The following MAST4 variants were observed in gnomAD, a reference collection of about 807,000 sequenced individuals.
MAST4 encodes the protein microtubule associated serine/threonine kinase family member 4.
MAST4 carries 89 observed loss-of-function variants against 162.7 expected under a neutral mutation model. The observed-to-expected ratio is 0.55, with a 90% CI of 0.46 to 0.65. The LOEUF is 0.65. Among genes scored for constraint, MAST4 ranks in the 30% least tolerant of loss-of-function variants. The pLI, the probability that MAST4 is intolerant of heterozygous loss-of-function variation, is 0.00. For missense variants in MAST4, 3,153 were observed against 3,374.0 expected, an observed-to-expected ratio of 0.93 and a Z score of 1.62; for synonymous variants, 1,479 against 1,361.1, an observed-to-expected ratio of 1.09 and a Z score of -1.91.
At position 66,745,072 on chromosome 5, in the gene MAST4, T is replaced by C. The variant is rs181247998; in HGVS notation, c.364-14637T>C. On this transcript the variant is annotated intron_variant, in intron 1 of 28. Transcript: ENST00000403625. ...GATCCCAGGAGCTGTGTATTGATCA[T>C]TAATTGACCAAGATCCTGTGAGTAG... is the stretch of plus-strand genomic sequence containing the variant. Among the ~76,000 whole-genome samples the C allele has an allele frequency of 3.4e-4, 52 of 152,316 alleles. 1 individual carries two copies. The East Asian group carries it at 9.8e-3, about 29-fold the overall frequency.
At chr5:66,853,960 T>G (rs1000460823) in intron 3 of MAST4, among the ~76,000 whole-genome samples, 19 of 152,182 alleles carry the variant, frequency 1.2e-4, no homozygotes, top group Admixed American at 1.1e-3. Context: ...AATCATAGTT[T>G]AAAATAAGTT....
chr5:66,873,970 A>C (rs1393352612), intron 3 of MAST4, among the ~76,000 whole-genome samples: 3 of 152,214 alleles, frequency 2.0e-5, no homozygotes, highest in Non-Finnish European at 4.4e-5. Flanking sequence ...GCTCATTTTC[A>C]GCTCAAGGAG....
chr5:67,123,407 G>C (rs960260721), intron 14 of MAST4, among the ~76,000 whole-genome samples: 3 of 152,226 alleles, frequency 2.0e-5, no homozygotes, highest in African/African-American at 4.8e-5. Context: ...AGTTAAACGT[G>C]TCTTTTTGCC....
At chr5:66,612,818 T>C (rs1280928820) in intron 1 of MAST4, among the ~76,000 whole-genome samples, 1 of 152,212 alleles carries the variant, frequency 6.6e-6, no homozygotes. Flanking sequence ...CTATCAGATA[T>C]CTTTGCTATA....
At chr5:66,799,643 A>C (rs1755820573) in intron 3 of MAST4, among the ~76,000 whole-genome samples, 1 of 152,208 alleles carries the variant, frequency 6.6e-6, no homozygotes, top group Non-Finnish European at 1.5e-5. Context: ...TCTTGGATGG[A>C]ACAGATAGAC....
intron 9 of MAST4, among the ~76,000 whole-genome samples, chr5:67,104,071 G>A (rs960778318): frequency 3.9e-5 from 6 of 152,224 alleles, no homozygotes; most frequent in African/African-American, 1.4e-4. Flanking sequence ...AAAAAATTGA[G>A]CAGATGGTAC....
At chr5:66,844,008 C>T (rs547552610) in intron 3 of MAST4, among the ~76,000 whole-genome samples, 3 of 152,172 alleles carry the variant, frequency 2.0e-5, no homozygotes, top group South Asian at 4.1e-4. Flanking sequence ...TTTCCTGCCT[C>T]CTCATGCAAG....
chr5:66,603,377 C>A (rs889881802), intron 1 of MAST4, among the ~76,000 whole-genome samples: 1 of 152,116 alleles, frequency 6.6e-6, no homozygotes, highest in Admixed American at 6.5e-5. Flanking sequence ...ACTAGCTGCA[C>A]CCAGAGATTT....
At chr5:66,660,192 C>T (rs1023027691) in intron 1 of MAST4, among the ~76,000 whole-genome samples, 7 of 152,144 alleles carry the variant, frequency 4.6e-5, no homozygotes, top group East Asian at 1.9e-4. Flanking sequence ...AGTTCGAGAC[C>T]AGCCTGACCA....
chr5:67,044,681 T>C (rs1581320515), intron 4 of MAST4, among the ~76,000 whole-genome samples: 1 of 152,284 alleles, frequency 6.6e-6, no homozygotes, highest in East Asian at 1.9e-4. Context: ...CCTAGCTATT[T>C]TTAAAAATAT....
At chr5:66,698,967 C>G (rs954358349) in intron 1 of MAST4, among the ~76,000 whole-genome samples, 8 of 152,328 alleles carry the variant, frequency 5.3e-5, no homozygotes, top group Admixed American at 3.3e-4. Context: ...ATAGTCCAAT[C>G]TCTGTTTGTC....
intron 15 of MAST4, among the ~76,000 whole-genome samples, chr5:67,131,216 T>C (rs1768928687): frequency 6.6e-6 from 1 of 152,180 alleles, no homozygotes; most frequent in Non-Finnish European, 1.5e-5. Context: ...CCCAGTGTCC[T>C]TTCTACCACA....
chr5:66,907,614 G>GTGTGTC lies in MAST4; in HGVS notation c.674+7637_674+7638insCTGTGT, dbSNP rs1287796519. 1.7e-4 allele frequency among the ~76,000 whole-genome samples: 26 copies of GTGTGTC among 151,024 alleles called. 1 individual carries two copies. The highest frequency in any genetic ancestry group is 6.3e-4 in the South Asian group (3 of 4,756). ...TGTGTGTGTGTGTGTGTGTGTGTGTGTGTGTGTGTGTGTGTGTGTGTGTAT... is the reference window on the plus strand; with the variant it reads ...TGTGTGTGTGTGTGTGTGTGTGTGTGTGTGTCTGTGTGTGTGTGTGTGTGTGTGTAT... On this transcript the variant is annotated intron_variant, in intron 4 of 28. Transcript: ENST00000403625.
At chr5:66,758,066 T>C (rs1229820086) in intron 1 of MAST4, among the ~76,000 whole-genome samples, 2 of 151,866 alleles carry the variant, frequency 1.3e-5, no homozygotes, top group Non-Finnish European at 2.9e-5. Flanking sequence ...TGTTTTTTTT[T>C]TTTCCTTTTT....
chr5:66,673,323 G>GT (rs762761901), intron 1 of MAST4, among the ~76,000 whole-genome samples: 39 of 151,864 alleles, frequency 2.6e-4, no homozygotes, highest in Admixed American at 7.9e-4. Context: ...CAGTTTTATT[G>GT]TTTTTTTGCG....
intron 2 of MAST4, among the ~76,000 whole-genome samples, chr5:66,760,363 C>T (rs559886690): frequency 9.2e-5 from 14 of 152,164 alleles, no homozygotes; most frequent in African/African-American, 2.6e-4. Flanking sequence ...ATCTGCCTGC[C>T]GTGGCCTCCC....
At chr5:67,082,532 C>G (rs1337638656) in intron 5 of MAST4, among the ~76,000 whole-genome samples, 2 of 152,078 alleles carry the variant, frequency 1.3e-5, no homozygotes, top group African/African-American at 4.8e-5. Flanking sequence ...CAACTAAATG[C>G]AATGTGAGAT....
intron 1 of MAST4, among the ~76,000 whole-genome samples, chr5:66,666,133 G>T (rs1269423125): frequency 6.6e-6 from 1 of 152,158 alleles, no homozygotes; most frequent in Non-Finnish European, 1.5e-5. Flanking sequence ...TAGTTATTCA[G>T]TATATTCCTG....
intron 1 of MAST4, among the ~76,000 whole-genome samples, chr5:66,675,900 A>G (rs1356002423): frequency 6.6e-6 from 1 of 152,224 alleles, no homozygotes; most frequent in Non-Finnish European, 1.5e-5. Flanking sequence ...TTTTAGTTGA[A>G]TGGAAGTATA....
Sources: allele counts gnomAD v4.1 joint callset (sites outside exome capture counted in the v4.1 genomes callset), GRCh38; gene constraint gnomAD v4.1.1; transcripts MANE v1.5; gene names NCBI Gene and HGNC (gene_info 2026-07-23, HGNC 2026-07-21).